Variants in BBX observed in about 807,000 individuals in gnomAD.
BBX encodes the protein HMG box transcription factor BBX.
A neutral mutation model predicts 100.2 loss-of-function variants in BBX; 30 were observed. The observed-to-expected ratio is 0.30, with a 90% CI of 0.22 to 0.41. The LOEUF (loss-of-function observed/expected upper bound fraction) is 0.41. BBX is among the 10% of genes least tolerant of loss of function. BBX has a pLI of 1.00. For missense variants in BBX, 1,023 were observed against 1,129.8 expected, an observed-to-expected ratio of 0.91 and a Z score of 1.35; for synonymous variants, 376 against 388.1, an observed-to-expected ratio of 0.97 and a Z score of 0.37.
intron 4 of BBX, among the ~76,000 whole-genome samples, chr3:107,712,665 C>T (rs182640437): frequency 2.6e-5 from 4 of 152,278 alleles, no homozygotes; most frequent in African/African-American, 9.6e-5. Flanking sequence ...ATTGTATCTA[C>T]CTCCCTCTCT....
At chr3:107,790,274 C>T (rs1334167870) in intron 14 of BBX, among the ~76,000 whole-genome samples, 1 of 152,144 alleles carries the variant, frequency 6.6e-6, no homozygotes. Flanking sequence ...CTTACAGTTT[C>T]GTGTTCATGT....
intron 2 of BBX, among the ~76,000 whole-genome samples, chr3:107,536,904 T>C (rs764624828): frequency 7.2e-5 from 11 of 152,302 alleles, no homozygotes; most frequent in South Asian, 2.1e-4. Flanking sequence ...TTAATAGATA[T>C]GGTATGAAAT....
chr3:107,739,862 A>G (rs2063934167), intron 7 of BBX, among the ~76,000 whole-genome samples: 1 of 152,172 alleles, frequency 6.6e-6, no homozygotes, highest in African/African-American at 2.4e-5. Context: ...TGAGGCAGAA[A>G]GGTGATCGGA....
At chr3:107,732,892 T>C (rs2063397368) in intron 6 of BBX, 64 bp from the exon 7 acceptor site, 12 of 1,347,926 alleles carry the variant, frequency 8.9e-6, no homozygotes, top group African/African-American at 1.4e-5. Flanking sequence ...AGTATTCTTT[T>C]TGACTCTGTG....
intron 10 of BBX, 128 bp downstream of exon 10, chr3:107,755,806 A>T (rs2065428206): frequency 1.3e-6 from 1 of 775,928 alleles, no homozygotes; most frequent in African/African-American, 1.7e-5. Flanking sequence ...AATTTTCAAC[A>T]ATGAGAGGGT....
Position 107,798,761 on chromosome 3 carries a change from T to C in BBX, c.2551+41T>C, listed in dbSNP as rs1267484368. On this transcript the variant is annotated intron_variant, in intron 16 of 17. Coordinates refer to ENST00000325805, the MANE Select transcript of BBX (RefSeq NM_001142568.3). ...TTTAGACCAGAGGTGTCCAATCTTT[T>C]AGCTTCCCTGGGCCACACTGGAAGA... 1.9e-6 allele frequency: 3 copies of C among 1,582,592 alleles called. No individual in the cohort carries two copies. The South Asian group carries it at 3.3e-5, about 18-fold the overall frequency.
intron 10 of BBX, among the ~76,000 whole-genome samples, chr3:107,767,772 C>T (rs1212309935): frequency 6.6e-6 from 1 of 152,042 alleles, no homozygotes; most frequent in Non-Finnish European, 1.5e-5. Flanking sequence ...GTCTCTTTGC[C>T]CTGCCCACTG....
chr3:107,573,391 C>T (rs1400560567), intron 2 of BBX, among the ~76,000 whole-genome samples: 1 of 152,100 alleles, frequency 6.6e-6, no homozygotes, highest in Non-Finnish European at 1.5e-5. Flanking sequence ...AACACCGTCT[C>T]TACTAAAAAT....
intron 3 of BBX, among the ~76,000 whole-genome samples, chr3:107,649,109 C>T (rs539675585): frequency 7.9e-5 from 12 of 152,274 alleles, no homozygotes; most frequent in Admixed American, 2.0e-4. Flanking sequence ...AGCACGTGCA[C>T]GGGGACTCCC....
chr3:107,643,465 T>C (rs1286313875), intron 2 of BBX, among the ~76,000 whole-genome samples: 2 of 151,924 alleles, frequency 1.3e-5, no homozygotes, highest in African/African-American at 4.8e-5. Flanking sequence ...GAAAGACAAG[T>C]TCCTAGCGAG....
chr3:107,612,698 G>A (rs972432136), intron 2 of BBX, among the ~76,000 whole-genome samples: 1 of 152,188 alleles, frequency 6.6e-6, no homozygotes, highest in Admixed American at 6.5e-5. Context: ...CAGACCTGAA[G>A]CCAGCACAGC....
At chr3:107,523,804 A>G (rs954225036) in intron 1 of BBX, among the ~76,000 whole-genome samples, 3 of 152,142 alleles carry the variant, frequency 2.0e-5, no homozygotes, top group Admixed American at 6.5e-5. Flanking sequence ...TTGCTCGTTC[A>G]TCTGGAGAGT....
chr3:107,666,627 G>A (rs997599934), intron 3 of BBX, among the ~76,000 whole-genome samples: 1 of 152,130 alleles, frequency 6.6e-6, no homozygotes, highest in Non-Finnish European at 1.5e-5. Context: ...GTGCAGTGGC[G>A]CGATCTCGGC....
At chr3:107,566,703 T>C (rs1364484404) in intron 2 of BBX, among the ~76,000 whole-genome samples, 2 of 152,048 alleles carry the variant, frequency 1.3e-5, no homozygotes, top group Non-Finnish European at 2.9e-5. Context: ...CATGTAGGCT[T>C]TGAAGTTTTT....
At chr3:107,578,828 T>C (rs988213910) in intron 2 of BBX, among the ~76,000 whole-genome samples, 1 of 152,140 alleles carries the variant, frequency 6.6e-6, no homozygotes, top group African/African-American at 2.4e-5. Context: ...ACCTGTCCCC[T>C]GCTTGTGACA....
At chr3:107,653,522 A>T (rs1318136899) in intron 3 of BBX, among the ~76,000 whole-genome samples, 1 of 152,140 alleles carries the variant, frequency 6.6e-6, no homozygotes, top group Admixed American at 6.5e-5. Flanking sequence ...ATTCAAATTG[A>T]TCTATGAAGC....
At chr3:107,689,966 G>T (rs1015780231) in intron 3 of BBX, among the ~76,000 whole-genome samples, 4 of 152,068 alleles carry the variant, frequency 2.6e-5, no homozygotes, top group Non-Finnish European at 4.4e-5. Flanking sequence ...CATTTCATGG[G>T]ATTTTGTAAT....
At chr3:107,792,278 G>A (rs1389615198) in intron 15 of BBX, among the ~76,000 whole-genome samples, 1 of 152,074 alleles carries the variant, frequency 6.6e-6, no homozygotes, top group African/African-American at 2.4e-5. Flanking sequence ...CACTTCATTT[G>A]AAAACTAGAA....
chr3:107,648,511 G>A (rs2107797231), intron 3 of BBX, among the ~76,000 whole-genome samples: 1 of 152,216 alleles, frequency 6.6e-6, no homozygotes, highest in African/African-American at 2.4e-5. Context: ...ATGAGAATGA[G>A]GAAATGGGTA....
Sources: allele counts gnomAD v4.1 joint callset (sites outside exome capture counted in the v4.1 genomes callset), GRCh38; gene constraint gnomAD v4.1.1; transcripts MANE v1.5; gene names NCBI Gene and HGNC (gene_info 2026-07-23, HGNC 2026-07-21).